MANBA: variants seen among roughly 807,000 people sequenced by gnomAD.
The protein encoded by MANBA is beta-mannosidase.
MANBA carries 83 observed loss-of-function variants against 111.1 expected under a neutral mutation model. That is an observed-to-expected ratio of 0.75 (90% CI 0.63 to 0.90). The LOEUF (loss-of-function observed/expected upper bound fraction) is 0.90, where lower values mean the gene tolerates loss of function less well. Among genes scored for constraint, MANBA ranks in the 40% least tolerant of loss-of-function variants. The probability of loss-of-function intolerance (pLI) is 0.00; values close to 1 mark genes in which losing one functional copy is unlikely to be tolerated. For synonymous variants in MANBA, 370 were observed against 378.7 expected (o/e 0.98, Z 0.27); for missense variants, 1,036 against 1,069.0 (o/e 0.97, Z 0.43).
chr4:102,660,015 TAG>T (rs1211480551), intron 11 of MANBA, among the ~76,000 whole-genome samples: 1 of 152,164 alleles, frequency 6.6e-6, no homozygotes, highest in African/African-American at 2.4e-5. Context: ...TGATTACTCC[TAG>T]CCACACCTGC....
At chr4:102,695,297 A>C (rs1732657979) in intron 5 of MANBA, among the ~76,000 whole-genome samples, 1 of 152,186 alleles carries the variant, frequency 6.6e-6, no homozygotes, top group South Asian at 2.1e-4. Flanking sequence ...GCTTTATTCA[A>C]TTGTCTAGGA....
Position 102,702,746 on chromosome 4 carries a change from G to C in MANBA, c.673+11692C>G, listed in dbSNP as rs1374988309. Among the ~76,000 whole-genome samples the C allele has an allele frequency of 9.9e-5, 15 of 151,994 alleles. No homozygotes were observed. The East Asian group carries it at 2.7e-3, about 27-fold the overall frequency. On this transcript the variant is annotated intron_variant, in intron 5 of 16. Transcript: ENST00000647097. ...CACGTTAATTTTTAAATGTTTAATA[G>C]CCTTCTTTCTGTCATACACAAGTTA...
intron 1 of MANBA, among the ~76,000 whole-genome samples, chr4:102,748,749 A>C (rs1456651876): frequency 1.3e-5 from 2 of 152,136 alleles, no homozygotes; most frequent in South Asian, 2.1e-4. Context: ...ACCATCTCTA[A>C]TAAAAATACA....
In MANBA at chr4:102,679,926, T is replaced by TA. The variant is rs201793469; in HGVS notation, c.961-5857dup. ...ACAATTTACAAATGCCTCTGAGGTA[T>TA]AAAAAAAAAAAAAATCCCACTTCTC... On this transcript the variant is annotated intron_variant, in intron 7 of 16. Coordinates refer to ENST00000647097, the MANE Select transcript of MANBA (RefSeq NM_005908.4). Among the ~76,000 whole-genome samples the TA allele has an allele frequency of 3.3e-3, 455 of 139,962 alleles. 3 individuals carry two copies. Among genetic ancestry groups the TA allele is most frequent in the African/African-American group, 7.4e-3 (283 of 38,494 alleles). 91.8% of individuals were successfully genotyped at this position (139,962 alleles called of 152,430 possible).
In MANBA at chr4:102,696,696, T is replaced by C. The variant is rs939665308; in HGVS notation, c.674-5925A>G. On this transcript the variant is annotated intron_variant, in intron 5 of 16. Transcript: ENST00000647097. ...ACTGGGGGGAAAACCTATTCAAAGA[T>C]AGCTGCCTGGATTAGCTTTGCCCTG... 5.3e-5 allele frequency among the ~76,000 whole-genome samples: 8 copies of C among 152,186 alleles called. 1 individual carries two copies. The highest frequency in any genetic ancestry group is 2.0e-4 in the Admixed American group (3 of 15,266).
chr4:102,718,551 A>C (rs1722435562), intron 4 of MANBA, among the ~76,000 whole-genome samples: 2 of 152,234 alleles, frequency 1.3e-5, no homozygotes, highest in East Asian at 3.8e-4. Flanking sequence ...GGAAGATGGC[A>C]TCAAACACTG....
At chr4:102,735,102 C>T (rs758297901) in intron 1 of MANBA, among the ~76,000 whole-genome samples, 26 of 152,174 alleles carry the variant, frequency 1.7e-4, no homozygotes, top group Non-Finnish European at 3.5e-4. Context: ...TAGGCCAAAA[C>T]GCCATGGCCA....
chr4:102,727,699 G>A (rs759115966), intron 1 of MANBA: 125 of 1,155,824 alleles, frequency 1.1e-4, no homozygotes, highest in East Asian at 4.9e-4. Flanking sequence ...TCAGGAGGAT[G>A]GTTGTAGGTT....
At chr4:102,695,979 G>A (rs1275298723) in intron 5 of MANBA, among the ~76,000 whole-genome samples, 2 of 152,100 alleles carry the variant, frequency 1.3e-5, no homozygotes, top group Non-Finnish European at 2.9e-5. Flanking sequence ...TATAGTCCCA[G>A]CACTTTGGTA....
At chr4:102,754,182 AGATAAGCACTCT>A (rs1240117842) in intron 1 of MANBA, among the ~76,000 whole-genome samples, 12 of 152,186 alleles carry the variant, frequency 7.9e-5, no homozygotes, top group Admixed American at 1.3e-4. Context: ...CTAGCACCTA[AGATAAGCACTCT>A]GATAAAATAA....
At chr4:102,636,819 T>A (rs964274513) in intron 14 of MANBA, among the ~76,000 whole-genome samples, 1 of 152,194 alleles carries the variant, frequency 6.6e-6, no homozygotes, top group Non-Finnish European at 1.5e-5. Flanking sequence ...AATATTATTA[T>A]ATATACATAT....
At chr4:102,648,080 TA>T (rs1454637074) in intron 13 of MANBA, among the ~76,000 whole-genome samples, 2 of 152,092 alleles carry the variant, frequency 1.3e-5, no homozygotes, top group African/African-American at 4.8e-5. Flanking sequence ...ACAGCGACTT[TA>T]ATGGAGTCTT....
At chr4:102,673,665 A>G (rs1162104103) in intron 8 of MANBA, among the ~76,000 whole-genome samples, 1 of 152,232 alleles carries the variant, frequency 6.6e-6, no homozygotes, top group African/African-American at 2.4e-5. Context: ...TCCAGAATAA[A>G]CATATAATAG....
Position 102,657,881 on chromosome 4 carries a change from A to G in MANBA, c.1505T>C (p.Phe502Ser). Residue 502 changes from phenylalanine to serine, a missense_variant, in exon 12 of 17, where the codon TTT (phenylalanine) becomes TCT (serine). By Grantham distance (155) the Phe-to-Ser change is radical (BLOSUM62 -2). Coordinates refer to ENST00000647097, the MANE Select transcript of MANBA (RefSeq NM_005908.4). ...LVLAGDKSRP[F>S]ITSSPTNGAE... Reference sequence around the variant, plus strand: ...CCCATTTGTAGGACTGGACGTAATAAAAGGACGACTCTTGTCTCCCTGAGT... The same window carrying G: ...CCCATTTGTAGGACTGGACGTAATAGAAGGACGACTCTTGTCTCCCTGAGT... 6.2e-7 allele frequency: 1 copy of G among 1,612,056 alleles called. No homozygotes were observed. The highest frequency in any genetic ancestry group is 8.5e-7 in the Non-Finnish European group (1 of 1,178,098).
chr4:102,732,949 T>C (rs1266941138), intron 1 of MANBA, among the ~76,000 whole-genome samples: 1 of 152,236 alleles, frequency 6.6e-6, no homozygotes, highest in Non-Finnish European at 1.5e-5. Flanking sequence ...GGCTGGCTGA[T>C]GATCTGGTTG....
At chr4:102,733,042 A>AC in intron 1 of MANBA, among the ~76,000 whole-genome samples, 1 of 152,256 alleles carries the variant, frequency 6.6e-6, no homozygotes, top group Admixed American at 6.5e-5. Context: ...TCCCAGATAT[A>AC]TTTTTTCGAC....
intron 16 of MANBA, chr4:102,633,574 C>T (rs1231407460): frequency 2.5e-6 from 1 of 397,056 alleles, no homozygotes; most frequent in African/African-American, 2.1e-5. Flanking sequence ...CATTAACTAA[C>T]AGTATTATTA....
intron 7 of MANBA, among the ~76,000 whole-genome samples, chr4:102,683,905 C>A (rs1025656602): frequency 6.6e-5 from 10 of 152,270 alleles, no homozygotes; most frequent in African/African-American, 2.4e-4. Flanking sequence ...CCCAATGTCA[C>A]TCAACATAAG....
intron 4 of MANBA, among the ~76,000 whole-genome samples, chr4:102,716,468 T>A (rs1457054646): frequency 1.3e-5 from 2 of 152,144 alleles, no homozygotes; most frequent in African/African-American, 4.8e-5. Flanking sequence ...ATCAGTTCGA[T>A]CTTTAGCCCC....
Sources: gnomAD v4.1 joint callset for allele counts (sites outside exome capture counted in the v4.1 genomes callset) on GRCh38, gnomAD v4.1.1 for gene constraint, MANE v1.5 for transcripts, NCBI Gene and HGNC (gene_info 2026-07-23, HGNC 2026-07-21) for gene names.